VSIG1: variants seen among roughly 807,000 people sequenced by gnomAD.
The protein encoded by VSIG1 is V-set and immunoglobulin domain containing 1.
A neutral mutation model predicts 20.1 loss-of-function variants in VSIG1; 11 were observed. The ratio of observed to expected loss-of-function variants is 0.55; its 90% confidence interval spans 0.34 to 0.91. VSIG1 has a LOEUF of 0.91. Among genes scored for constraint, VSIG1 ranks in the 40% least tolerant of loss-of-function variants. VSIG1 has a pLI of 0.02. For missense variants in VSIG1, 283 were observed against 298.8 expected (o/e 0.95, Z 0.39); for synonymous variants, 126 against 116.7 (o/e 1.08, Z -0.52).
chrX:108,027,856 C>T, the VSIG1 span, among the ~76,000 whole-genome samples: 1 of 110,831 alleles, frequency 9.0e-6, no homozygotes, highest in Non-Finnish European at 1.9e-5. Flanking sequence ...ACAGCTACTG[C>T]CCCCAGGAAA....
intron 3 of VSIG1, 57 bp from the exon 4 acceptor site, chrX:108,072,620 T>C: frequency 9.4e-7 from 1 of 1,067,777 alleles, no homozygotes; most frequent in Non-Finnish European, 1.3e-6. Flanking sequence ...GTGACTGCAA[T>C]TGTCACAGAA....
chrX:108,043,127 T>C (rs1040022734), upstream of VSIG1, among the ~76,000 whole-genome samples: 3 of 111,434 alleles, frequency 2.7e-5, no homozygotes, highest in Non-Finnish European at 5.7e-5. Context: ...CATGCAATAG[T>C]TATTTGGGGG....
At chrX:108,055,390 A>G (rs2030873718) in intron 1 of VSIG1, among the ~76,000 whole-genome samples, 1 of 112,164 alleles carries the variant, frequency 8.9e-6, no homozygotes, top group Non-Finnish European at 1.9e-5. Context: ...TTAAAGAATT[A>G]TTAAGATCAG....
chrX:108,073,190 C>T lies in VSIG1; in HGVS notation c.569-60C>T, dbSNP rs2031284592. The T allele has an allele frequency of 1.7e-5, 20 of 1,166,997 alleles. No individual in the cohort carries two copies. The South Asian group carries it at 2.5e-4, about 14-fold the overall frequency. On this transcript the variant is annotated intron_variant, in intron 4 of 6. Transcript: ENST00000217957. ...TGGGTGGACATTGAGTGATCTGTTA[C>T]ACTGATGTTATCTGTATGCACAGAA...
intron 1 of VSIG1, among the ~76,000 whole-genome samples, chrX:108,045,380 T>C (rs1271590715): frequency 1.8e-5 from 2 of 112,670 alleles, no homozygotes; most frequent in Non-Finnish European, 3.7e-5. Flanking sequence ...CATAATATTA[T>C]TGTTTTATGG....
chrX:108,050,368 C>T (rs2030760173), intron 1 of VSIG1, among the ~76,000 whole-genome samples: 2 of 111,930 alleles, frequency 1.8e-5, no homozygotes, highest in African/African-American at 3.3e-5. Flanking sequence ...CCTCAACCCT[C>T]CAACACCCTC....
At chrX:108,065,036 G>A (rs1316444640) in intron 2 of VSIG1, among the ~76,000 whole-genome samples, 2 of 111,662 alleles carry the variant, frequency 1.8e-5, no homozygotes, top group East Asian at 5.6e-4. Flanking sequence ...ATTATAAATG[G>A]CTGCATTTAT....
chrX:108,045,199 A>C lies in VSIG1; in HGVS notation c.49+20A>C. On this transcript the variant is annotated intron_variant, in intron 1 of 6. Transcript: ENST00000217957. ...TTGCAGGTAAGGAAAGGATCTCCAA[A>C]CCACCAAATATAATTGGAAACAGAG... 1 of 1,153,619 alleles carries C rather than the reference A, an allele frequency of 8.7e-7. No homozygotes were observed. Among genetic ancestry groups the C allele is most frequent in the Non-Finnish European group, 1.2e-6 (1 of 860,283 alleles).
chrX:108,032,063 A>G, the VSIG1 span, among the ~76,000 whole-genome samples: 1 of 110,868 alleles, frequency 9.0e-6, no homozygotes, highest in South Asian at 3.8e-4. Context: ...CCCCACTTCA[A>G]TTTTCTTTTC....
upstream of VSIG1, among the ~76,000 whole-genome samples, chrX:108,041,452 C>A (rs1602559573): frequency 9.0e-6 from 1 of 110,682 alleles, no homozygotes; most frequent in African/African-American, 3.3e-5. Flanking sequence ...GCAGTTGGAC[C>A]CAGTGACAGA....
chrX:108,048,967 T>C (rs1327590331), intron 1 of VSIG1, among the ~76,000 whole-genome samples: 1 of 112,415 alleles, frequency 8.9e-6, no homozygotes, highest in Admixed American at 9.4e-5. Context: ...AAGGCTCATC[T>C]GGAAATATAT....
chrX:108,058,992 G>A (rs2072949575), intron 2 of VSIG1, among the ~76,000 whole-genome samples: 2 of 111,313 alleles, frequency 1.8e-5, no homozygotes, highest in African/African-American at 6.5e-5. Flanking sequence ...GTGTGTTCAT[G>A]CACATGTTTA....
intron 2 of VSIG1, among the ~76,000 whole-genome samples, chrX:108,063,920 AT>A (rs2031078703): frequency 1.8e-5 from 2 of 111,703 alleles, no homozygotes; most frequent in South Asian, 7.6e-4. Flanking sequence ...CCCATTGTAC[AT>A]CCGGGGCTTT....
intron 3 of VSIG1, among the ~76,000 whole-genome samples, chrX:108,067,662 A>G (rs2031159937): frequency 8.9e-6 from 1 of 112,583 alleles, no homozygotes; most frequent in African/African-American, 3.2e-5. Flanking sequence ...ACATATTTAC[A>G]TACAAATATT....
rs752081016 is a variant in VSIG1, at chrX:108,077,264, G to A, written c.1047G>A (p.Glu349=). The change falls in exon 7 of 7, where the codon GAG becomes GAA. Residue 349 remains glutamate, a synonymous_variant. Transcript: ENST00000217957. ...TGCCTGACCTTGACATCGAGCTGGA[G>A]CTGGAGCCAGAAACGCAGTCGGAAT... ...MAVPDLDIEL[E]LEPETQSELE... 5 of 1,210,258 alleles carry A rather than the reference G, an allele frequency of 4.1e-6. No homozygotes were observed. Among genetic ancestry groups the A allele is most frequent in the Non-Finnish European group, 5.6e-6 (5 of 895,351 alleles).
At chrX:108,025,772 C>T in the VSIG1 span, among the ~76,000 whole-genome samples, 1 of 112,822 alleles carries the variant, frequency 8.9e-6, no homozygotes, top group Non-Finnish European at 1.9e-5. Context: ...TCAGGCAATA[C>T]CTTACAAATC....
chrX:108,044,774 T>C (rs747803345), upstream of VSIG1, among the ~76,000 whole-genome samples: 1 of 112,022 alleles, frequency 8.9e-6, no homozygotes, highest in South Asian at 3.7e-4. Flanking sequence ...TTGCATAGGC[T>C]CTCTTCCAAC....
rs143811740 is a variant in VSIG1 at position 108,058,064 on chromosome X, A to G, written c.76A>G (p.Ile26Val). The G allele has an allele frequency of 1.9e-5, 23 of 1,208,402 alleles. No homozygotes were observed. In the African/African-American group the frequency reaches 4.0e-4, roughly 21 times the overall value. The change falls in exon 2 of 7, where the codon ATC becomes GTC. Residue 26 changes from isoleucine to valine, a missense_variant. Ile to Val is a conservative substitution (Grantham distance 29). Transcript: ENST00000217957. ...TCAGGTTAGTGTGGTGCAAGTGACC[A>G]TCCCAGACGGTTTCGTGAACGTGAC... Reference protein sequence around the residue: ...AGQVSVVQVTIPDGFVNVTVG... With the variant: ...AGQVSVVQVTVPDGFVNVTVG...
Position 108,058,097 on chromosome X carries a change from T to A in VSIG1, c.109T>A (p.Ser37Thr). The A allele has an allele frequency of 8.3e-7, 1 of 1,209,877 alleles. No homozygotes were observed. Among genetic ancestry groups the A allele is most frequent in the South Asian group, 1.8e-5 (1 of 56,845 alleles). The change falls in exon 2 of 7, where the codon TCT becomes ACT. Residue 37 changes from serine to threonine, a missense_variant. Coordinates refer to ENST00000217957, the MANE Select transcript of VSIG1 (RefSeq NM_182607.5). ...PDGFVNVTVG[S>T]NVTLICIYTT... ...CGGTTTCGTGAACGTGACTGTTGGA[T>A]CTAATGTCACTCTCATCTGCATCTA...
Sources: gnomAD v4.1 joint callset for allele counts (sites outside exome capture counted in the v4.1 genomes callset) on GRCh38, gnomAD v4.1.1 for gene constraint, MANE v1.5 for transcripts, NCBI Gene and HGNC (gene_info 2026-07-23, HGNC 2026-07-21) for gene names.